The following TDRD1 variants were observed in gnomAD, a reference collection of about 807,000 sequenced individuals.
TDRD1 encodes the protein tudor domain containing 1.
A neutral mutation model predicts 140.6 loss-of-function variants in TDRD1; 37 were observed. The observed-to-expected ratio is 0.26, with a 90% confidence interval of 0.20 to 0.35. The LOEUF (loss-of-function observed/expected upper bound fraction) is 0.35, where lower values mean the gene tolerates loss of function less well. Ranked by LOEUF, TDRD1 falls within the 10% of genes least tolerant of loss-of-function variation. The pLI, the probability that TDRD1 is intolerant of heterozygous loss-of-function variation, is 1.00. For synonymous variants in TDRD1, 506 were observed against 475.7 expected (o/e 1.06, Z -0.83); for missense variants, 1,243 against 1,393.0 (o/e 0.89, Z 1.71).
chr10:114,203,285 A>G, intron 7 of TDRD1, 103 bp from the exon 8 acceptor site: 1 of 1,500,442 alleles, frequency 6.7e-7, no homozygotes, highest in Non-Finnish European at 9.0e-7. Context: ...ACATTGCAAA[A>G]ACTGCCTACA....
chr10:114,184,538 G>A (rs901723577), intron 1 of TDRD1, among the ~76,000 whole-genome samples: 1 of 152,230 alleles, frequency 6.6e-6, no homozygotes, highest in Non-Finnish European at 1.5e-5. Context: ...CTTCAGGATA[G>A]GGAAGAGCTT....
chr10:114,231,177 A>T (rs532430195), intron 25 of TDRD1, among the ~76,000 whole-genome samples: 1 of 152,372 alleles, frequency 6.6e-6, no homozygotes, highest in Non-Finnish European at 1.5e-5. Context: ...TGATATGAAC[A>T]TAAAACCCTC....
chr10:114,195,190 T>C (rs1038676977), intron 3 of TDRD1, among the ~76,000 whole-genome samples: 57 of 152,224 alleles, frequency 3.7e-4, no homozygotes, highest in African/African-American at 1.2e-3. Context: ...TTTGAGTCTA[T>C]TGTGGTCAGA....
At position 114,187,354 on chromosome 10, in the gene TDRD1, G is replaced by A. The variant is rs76245374; in HGVS notation, c.-6-472G>A. Among the ~76,000 whole-genome samples the A allele has an allele frequency of 4.2e-3, 643 of 152,240 alleles. 4 individuals are homozygous for A. The highest frequency in any genetic ancestry group is 0.014 in the African/African-American group (595 of 41,522). ...CAGGCAGTGAGTGCGAGGGCATTCTGGGTAGAGGGTTCAGCATATTCAAGG... is the reference window on the plus strand; with the variant it reads ...CAGGCAGTGAGTGCGAGGGCATTCTAGGTAGAGGGTTCAGCATATTCAAGG... On this transcript the variant is annotated intron_variant, in intron 1 of 25. Transcript: ENST00000251864.
rs139223475 is a variant in TDRD1, at chr10:114,192,583, G to A, written c.384+1564G>A. On this transcript the variant is annotated intron_variant, in intron 3 of 25. Transcript: ENST00000251864. ...GGCCTCGCAAAGTGCTAGGATTACA[G>A]GCGTGAGCCACCAGATAGTTTTACT... Among the ~76,000 whole-genome samples the A allele has an allele frequency of 3.6e-3, 553 of 152,166 alleles. 7 individuals are homozygous for A. The highest frequency in any genetic ancestry group is 0.012 in the African/African-American group (516 of 41,510).
chr10:114,227,195 T>C (rs1298541923), exon 23 of TDRD1: 2 of 1,614,050 alleles, frequency 1.2e-6, no homozygotes, highest in Non-Finnish European at 1.7e-6. Flanking sequence ...ACAGTGTCAG[T>C]TGAGAAATGT....
At chr10:114,212,171 C>A in intron 14 of TDRD1, 135 bp downstream of exon 14, 1 of 738,216 alleles carries the variant, frequency 1.4e-6, no homozygotes, top group Non-Finnish European at 2.0e-6. Flanking sequence ...CTATAAATGT[C>A]ATTTATCCCA....
At position 114,222,517 on chromosome 10, in the gene TDRD1, A is replaced by G. The variant is rs1012586302; in HGVS notation, c.2891-70A>G. 7.6e-6 allele frequency: 6 copies of G among 791,492 alleles called. No homozygotes were observed. The African/African-American group carries it at 8.8e-5, about 12-fold the overall frequency. 49.0% of individuals were successfully genotyped at this position (791,492 alleles called of 1,614,324 possible). A position where few individuals can be genotyped will look rare whatever the true frequency, so the allele number is the denominator to read the frequency against. On this transcript the variant is annotated intron_variant, in intron 20 of 25. Coordinates refer to ENST00000251864, the Ensembl canonical transcript of TDRD1. ...GGTTTTTGGATTGATTAGACTTGCC[A>G]TTCTTTTGTATAGTGTTAATAGTAG...
chr10:114,203,367 CTT>C lies in TDRD1; in HGVS notation c.802-13_802-12del, dbSNP rs11313522. 2 of 1,550,088 alleles carry C rather than the reference CTT, an allele frequency of 1.3e-6. No homozygotes were observed. Among genetic ancestry groups the C allele is most frequent in the Admixed American group, 2.1e-5 (1 of 47,064 alleles). On this transcript the variant is annotated intron_variant, in intron 7 of 25. Transcript: ENST00000251864. ...CTTGTGTGCCTTATGAATTATTCCT[CTT>C]TTTTTTTATCTTTGAAAGGGTACGG...
intron 11 of TDRD1, among the ~76,000 whole-genome samples, chr10:114,209,154 AG>A (rs2035319670): frequency 6.6e-6 from 1 of 152,088 alleles, no homozygotes; most frequent in Admixed American, 6.6e-5. Flanking sequence ...CAGGAGTTTG[AG>A]GCCCCAGTAT....
chr10:114,229,630 G>C (rs1489108711), intron 25 of TDRD1, among the ~76,000 whole-genome samples: 1 of 140,178 alleles, frequency 7.1e-6, no homozygotes. Flanking sequence ...CTCACTGCAA[G>C]CTCCACCTCC....
intron 18 of TDRD1, 101 bp downstream of exon 18, chr10:114,218,685 A>G: frequency 1.2e-6 from 1 of 835,966 alleles, no homozygotes; most frequent in Non-Finnish European, 1.8e-6. Context: ...GAGTTAGAGG[A>G]TCCTGCTTCA....
exon 19 of TDRD1, chr10:114,220,774 C>A: frequency 6.2e-7 from 1 of 1,610,894 alleles, no homozygotes; most frequent in South Asian, 1.1e-5. Flanking sequence ...TGCTTCACCA[C>A]ATAAAGACTT....
chr10:114,206,830 G>C (rs990552170), intron 11 of TDRD1, among the ~76,000 whole-genome samples: 4 of 152,032 alleles, frequency 2.6e-5, no homozygotes, highest in African/African-American at 9.7e-5. Context: ...GGCCAGGCTG[G>C]TCTCAAACTC....
chr10:114,198,187 C>G (rs985855030), intron 3 of TDRD1, among the ~76,000 whole-genome samples: 1 of 152,166 alleles, frequency 6.6e-6, no homozygotes, highest in Non-Finnish European at 1.5e-5. Context: ...AGCTCCCCAT[C>G]TGGTCTCTAG....
chr10:114,215,268 A>G lies in TDRD1; in HGVS notation c.2212+1154A>G, dbSNP rs529407688. Among the ~76,000 whole-genome samples the G allele has an allele frequency of 3.3e-5, 5 of 152,204 alleles. No homozygotes were observed. The South Asian group carries it at 8.3e-4, about 25-fold the overall frequency. ...TCTGTATCTTATTTTTCCTTGCTGCATAGTGTTCTGTGAATTGTATTGCAG... is the reference window on the plus strand; with the variant it reads ...TCTGTATCTTATTTTTCCTTGCTGCGTAGTGTTCTGTGAATTGTATTGCAG... On this transcript the variant is annotated intron_variant, in intron 16 of 25. Coordinates refer to ENST00000251864, the Ensembl canonical transcript of TDRD1.
chr10:114,177,826 T>C (rs1037879128), upstream of TDRD1, among the ~76,000 whole-genome samples: 10 of 147,848 alleles, frequency 6.8e-5, no homozygotes, highest in Non-Finnish European at 1.3e-4. Context: ...TTTTCTTTCT[T>C]TCTTTTTCTT....
intron 25 of TDRD1, among the ~76,000 whole-genome samples, chr10:114,229,650 G>A (rs113191449): frequency 1.4e-5 from 2 of 146,962 alleles, no homozygotes; most frequent in African/African-American, 5.0e-5. Flanking sequence ...CCAGGTTCAC[G>A]CAATTCTCCC....
At chr10:114,192,327 G>C (rs1315883818) in intron 3 of TDRD1, among the ~76,000 whole-genome samples, 1 of 95,736 alleles carries the variant, frequency 1.0e-5, no homozygotes, top group African/African-American at 3.9e-5. Flanking sequence ...TTTTTGAGAC[G>C]GAGTCTTGCT....
Sources: allele counts gnomAD v4.1 joint callset (sites outside exome capture counted in the v4.1 genomes callset), GRCh38; gene constraint gnomAD v4.1.1; transcripts MANE v1.5; gene names NCBI Gene and HGNC (gene_info 2026-07-23, HGNC 2026-07-21).